Variants in COBL observed in about 807,000 individuals in gnomAD.
COBL encodes the protein cordon-bleu WH2 repeat protein.
In COBL, 51 loss-of-function variants were observed where a neutral mutation model predicts 98.8. The ratio of observed to expected loss-of-function variants is 0.52; its 90% CI spans 0.41 to 0.65. The LOEUF (loss-of-function observed/expected upper bound fraction) is 0.65, where lower values mean the gene tolerates loss of function less well. Among genes scored for constraint, COBL ranks in the 30% least tolerant of loss-of-function variants. The probability of loss-of-function intolerance (pLI) is 0.00; values close to 1 mark genes in which losing one functional copy is unlikely to be tolerated. For missense variants in COBL, 1,617 were observed against 1,617.5 expected (o/e 1.00, Z 0.01); for synonymous variants, 634 against 651.7 (o/e 0.97, Z 0.41).
chr7:51,030,387 T>C (rs1184843413), intron 9 of COBL, among the ~76,000 whole-genome samples: 1 of 152,230 alleles, frequency 6.6e-6, no homozygotes, highest in Non-Finnish European at 1.5e-5. Context: ...AGCAGTGCCA[T>C]GAGATGCTCC....
At chr7:51,098,023 C>CAAAAAAA (rs3047141) in intron 6 of COBL, among the ~76,000 whole-genome samples, 1 of 94,348 alleles carries the variant, frequency 1.1e-5, no homozygotes, top group Non-Finnish European at 2.1e-5. Flanking sequence ...GACTCCATCT[C>CAAAAAAA]AAAAAAAAAA....
chr7:51,095,475 C>T (rs1346885538), intron 6 of COBL, among the ~76,000 whole-genome samples: 2 of 152,186 alleles, frequency 1.3e-5, no homozygotes, highest in Non-Finnish European at 1.5e-5. Context: ...AACAAAACTA[C>T]AAGATATACG....
rs182713834 is a variant in COBL at position 51,287,030 on chromosome 7, T to C, written c.41+29563A>G. 1.8e-3 allele frequency among the ~76,000 whole-genome samples: 280 copies of C among 152,270 alleles called. 1 individual carries two copies. Among genetic ancestry groups the C allele is most frequent in the African/African-American group, 6.4e-3 (267 of 41,538 alleles). On this transcript the variant is annotated intron_variant, in intron 1 of 12. Transcript: ENST00000265136. ...GGAACAGAAAACCAAATACTGCATG[T>C]TGTTACTTACAAGCGGGAGCTAAAC...
At chr7:51,190,699 T>C (rs1790020302) in intron 4 of COBL, 151 bp downstream of exon 4, 1 of 638,144 alleles carries the variant, frequency 1.6e-6, no homozygotes, top group Non-Finnish European at 2.8e-6. Context: ...AGATTTCTTT[T>C]TTGCCTACTT....
In COBL at chr7:51,029,275, G is replaced by A. The variant is rs779616198; in HGVS notation, c.1821C>T (p.Val607=). Residue 607 remains valine, a synonymous_variant, in exon 10 of 13, where the codon GTC becomes GTT. Coordinates refer to ENST00000265136, the MANE Select transcript of COBL (RefSeq NM_015198.5). ...ATAAGGCCACACGGATTCCTTTTCC[G>A]ACGTCATGGGAAGCGGGGTGCAGGG... The part of the protein sequence containing the change: ...VPALHPASHD[V]GKGIRVALSN... 8.1e-6 allele frequency: 13 copies of A among 1,607,968 alleles called. No homozygotes were observed. The highest frequency in any genetic ancestry group is 2.7e-5 in the African/African-American group (2 of 74,706).
chr7:51,280,837 A>T (rs191856425), intron 1 of COBL, among the ~76,000 whole-genome samples: 51 of 152,340 alleles, frequency 3.3e-4, no homozygotes, highest in African/African-American at 1.2e-3. Flanking sequence ...CAGACTTTCA[A>T]ACTTAACTAC....
intron 5 of COBL, among the ~76,000 whole-genome samples, chr7:51,164,174 AT>A (rs746240688): frequency 3.3e-5 from 5 of 152,134 alleles, no homozygotes; most frequent in Admixed American, 1.3e-4. Flanking sequence ...AATCAAATTT[AT>A]TAATATTTTC....
At chr7:51,140,437 C>A (rs1583930867) in intron 5 of COBL, among the ~76,000 whole-genome samples, 1 of 152,224 alleles carries the variant, frequency 6.6e-6, no homozygotes. Context: ...GTTTCCAGAT[C>A]TGAGTGCCAG....
intron 2 of COBL, among the ~76,000 whole-genome samples, chr7:51,207,225 G>A (rs1284270461): frequency 6.6e-6 from 1 of 151,230 alleles, no homozygotes; most frequent in African/African-American, 2.4e-5. Flanking sequence ...ATAGGTACTT[G>A]GTACAGCGGA....
intron 7 of COBL, among the ~76,000 whole-genome samples, chr7:51,065,653 C>T (rs10262110): frequency 0.91 from 139,187 of 152,268 alleles, 63,809 homozygotes; most frequent in Middle Eastern, 0.96. Context: ...GTGCATCCAC[C>T]TGGGTACAAC....
chr7:51,160,986 C>T (rs1335939955), intron 5 of COBL, among the ~76,000 whole-genome samples: 3 of 152,046 alleles, frequency 2.0e-5, no homozygotes, highest in Admixed American at 2.0e-4. Flanking sequence ...TCACTGCAAC[C>T]TCTGCCTTAT....
At chr7:51,247,692 T>C (rs998069922) in intron 1 of COBL, among the ~76,000 whole-genome samples, 1 of 152,182 alleles carries the variant, frequency 6.6e-6, no homozygotes, top group African/African-American at 2.4e-5. Context: ...AAGGTCTGCA[T>C]CACTCCAGCA....
chr7:51,194,098 T>A (rs1280281557), intron 2 of COBL, among the ~76,000 whole-genome samples: 1 of 152,114 alleles, frequency 6.6e-6, no homozygotes, highest in Non-Finnish European at 1.5e-5. Flanking sequence ...ATCCTTTCCC[T>A]CCTCCCACCC....
chr7:51,101,183 A>G (rs1795775000), intron 6 of COBL, among the ~76,000 whole-genome samples: 1 of 152,240 alleles, frequency 6.6e-6, no homozygotes, highest in Non-Finnish European at 1.5e-5. Flanking sequence ...TGGTAAATTA[A>G]GATAACATGC....
chr7:51,295,426 A>C (rs1007399141), intron 1 of COBL, among the ~76,000 whole-genome samples: 1 of 152,294 alleles, frequency 6.6e-6, no homozygotes, highest in East Asian at 1.9e-4. Flanking sequence ...AAAAATACAT[A>C]CATTAAAAAA....
chr7:51,231,539 C>A (rs565841836), intron 1 of COBL, among the ~76,000 whole-genome samples: 1 of 152,184 alleles, frequency 6.6e-6, no homozygotes, highest in Non-Finnish European at 1.5e-5. Context: ...GTCTCTGGAT[C>A]GGGGAAGTGC....
intron 2 of COBL, among the ~76,000 whole-genome samples, chr7:51,200,707 G>C (rs1791035907): frequency 6.6e-6 from 1 of 152,136 alleles, no homozygotes. Context: ...AAGATACCAA[G>C]AGGAGTAAGA....
intron 5 of COBL, among the ~76,000 whole-genome samples, chr7:51,141,130 A>T (rs948913260): frequency 1.3e-5 from 2 of 152,116 alleles, no homozygotes; most frequent in Non-Finnish European, 2.9e-5. Flanking sequence ...TCGATTTAAA[A>T]AAAAAAAAAG....
At chr7:51,227,577 C>T (rs1794329564) in intron 1 of COBL, among the ~76,000 whole-genome samples, 1 of 152,176 alleles carries the variant, frequency 6.6e-6, no homozygotes, top group Non-Finnish European at 1.5e-5. Flanking sequence ...GAAAAGATCC[C>T]AGCTCTGATG....
Sources: allele counts gnomAD v4.1 joint callset (sites outside exome capture counted in the v4.1 genomes callset), GRCh38; gene constraint gnomAD v4.1.1; transcripts MANE v1.5; gene names NCBI Gene and HGNC (gene_info 2026-07-23, HGNC 2026-07-21).